The following SLC44A1 variants were observed in gnomAD, a reference collection of about 807,000 sequenced individuals.
SLC44A1 encodes the protein solute carrier family 44 member 1.
SLC44A1 carries 26 observed loss-of-function variants against 79.3 expected under a neutral mutation model. The observed-to-expected ratio is 0.33, with a 90% confidence interval of 0.24 to 0.46. SLC44A1 has a LOEUF of 0.46. Among genes scored for constraint, SLC44A1 ranks in the 20% least tolerant of loss-of-function variants. The probability of loss-of-function intolerance (pLI) is 1.00; values close to 1 mark genes in which losing one functional copy is unlikely to be tolerated. For missense variants in SLC44A1, 688 were observed against 798.1 expected (o/e 0.86, Z 1.66); for synonymous variants, 263 against 286.2 (o/e 0.92, Z 0.82).
chr9:105,420,283 C>T (rs1829228772), intron 15 of SLC44A1, among the ~76,000 whole-genome samples: 1 of 152,068 alleles, frequency 6.6e-6, no homozygotes, highest in Admixed American at 6.6e-5. Flanking sequence ...TCTAGAAAGA[C>T]CAAGGCAGTG....
Position 105,385,407 on chromosome 9 carries a change from G to T in SLC44A1, c.1870-15G>T. 6.5e-7 allele frequency: 1 copy of T among 1,546,240 alleles called. No homozygotes were observed. Among genetic ancestry groups the T allele is most frequent in the Non-Finnish European group, 8.8e-7 (1 of 1,133,916 alleles). On this transcript the variant is annotated splice_polypyrimidine_tract_variant and intron_variant, in intron 14 of 15. Coordinates refer to ENST00000374720, the MANE Select transcript of SLC44A1 (RefSeq NM_080546.5). ...AGGACCCAAGAATTTATTCAATATG[G>T]TCCATATTTTGCAGGAGTTTGTGGA... is the stretch of plus-strand genomic sequence containing the variant.
chr9:105,423,568 A>G (rs1280312010), intron 15 of SLC44A1, among the ~76,000 whole-genome samples: 2 of 152,232 alleles, frequency 1.3e-5, no homozygotes, highest in Admixed American at 6.5e-5. Flanking sequence ...TGCAAATCAG[A>G]CTATTGTTCC....
At chr9:105,268,591 C>T (rs1484054595) in intron 1 of SLC44A1, among the ~76,000 whole-genome samples, 1 of 152,116 alleles carries the variant, frequency 6.6e-6, no homozygotes, top group African/African-American at 2.4e-5. Flanking sequence ...GCAACCTCCA[C>T]CTCCTGGGTT....
chr9:105,434,216 C>T (rs145208340), intron 15 of SLC44A1, among the ~76,000 whole-genome samples: 2,356 of 151,878 alleles, frequency 0.016, 72 homozygotes, highest in African/African-American at 0.054. Context: ...CATGCATGCC[C>T]GTAATCCCAG....
In SLC44A1 at chr9:105,393,270, A is replaced by G. The variant is rs915596077; in HGVS notation, c.*4214A>G. 3.0e-6 allele frequency: 3 copies of G among 985,440 alleles called. No homozygotes were observed. Among genetic ancestry groups the G allele is most frequent in the Non-Finnish European group, 3.6e-6 (3 of 829,890 alleles). The allele number at this position is 985,440 out of a possible 1,614,324, so 61.0% of individuals were successfully genotyped here. A position where few individuals can be genotyped will look rare whatever the true frequency, so the allele number is the denominator to read the frequency against. On this transcript the variant is annotated 3_prime_UTR_variant, in exon 16 of 16. Transcript: ENST00000374720. ...TTAGCCCTTTTGAAAAGTAGGCACT[A>G]TTCATACACAGTAGCTTCTTGGAAT...
Position 105,264,689 on chromosome 9 carries a change from A to G in SLC44A1, c.36+19785A>G, listed in dbSNP as rs1399336263. ...TACCTTAGATATTCTTTCAGTTTCA[A>G]TTTCCTGAATAGATCTCTCCCATAC... On this transcript the variant is annotated intron_variant, in intron 1 of 15. Coordinates refer to ENST00000374720, the MANE Select transcript of SLC44A1 (RefSeq NM_080546.5). Among the ~76,000 whole-genome samples, 3 of 152,220 alleles carry G rather than the reference A, an allele frequency of 2.0e-5. No homozygotes were observed. In the East Asian group the frequency reaches 5.8e-4, roughly 29 times the overall value.
chr9:105,328,014 GA>G (rs1479210717), intron 3 of SLC44A1, among the ~76,000 whole-genome samples: 1 of 152,162 alleles, frequency 6.6e-6, no homozygotes, highest in African/African-American at 2.4e-5. Context: ...TTGAATAAAC[GA>G]GAGTATTTCT....
Position 105,394,953 on chromosome 9 carries a change from A to G in SLC44A1, c.*5897A>G. On this transcript the variant is annotated 3_prime_UTR_variant, in exon 16 of 16. Transcript: ENST00000374720. ...TAGGGAAGCATGTGGATTTCTTCAC[A>G]TCTGCACCTTACTATTAGGTAAGGG... 1 of 985,402 alleles carries G rather than the reference A, an allele frequency of 1.0e-6. No homozygotes were observed. The highest frequency in any genetic ancestry group is 1.7e-5 in the African/African-American group (1 of 57,342). 61.0% of individuals were successfully genotyped at this position (985,402 alleles called of 1,614,324 possible). A position where few individuals can be genotyped will look rare whatever the true frequency, so the allele number is the denominator to read the frequency against.
intron 1 of SLC44A1, among the ~76,000 whole-genome samples, chr9:105,264,675 T>G (rs1005793279): frequency 6.6e-6 from 1 of 152,240 alleles, no homozygotes; most frequent in Non-Finnish European, 1.5e-5. Context: ...ACCTTAGATA[T>G]TCTTTCAGTT....
intron 1 of SLC44A1, among the ~76,000 whole-genome samples, chr9:105,258,522 G>A (rs1829763495): frequency 6.6e-6 from 1 of 152,164 alleles, no homozygotes; most frequent in Admixed American, 6.5e-5. Context: ...GACTAGGATC[G>A]CCCAAGTAGT....
intron 3 of SLC44A1, among the ~76,000 whole-genome samples, chr9:105,328,168 G>A (rs747402598): frequency 1.3e-5 from 2 of 152,190 alleles, no homozygotes; most frequent in Non-Finnish European, 2.9e-5. Context: ...CACTAAGGAT[G>A]TAGGGATGAA....
intron 3 of SLC44A1, among the ~76,000 whole-genome samples, chr9:105,312,678 G>A (rs543334790): frequency 6.6e-6 from 1 of 152,280 alleles, no homozygotes; most frequent in African/African-American, 2.4e-5. Context: ...ATCTTTGCTA[G>A]TATTATTAGT....
At chr9:105,335,888 G>T (rs1453663535) in intron 4 of SLC44A1, among the ~76,000 whole-genome samples, 189 bp downstream of exon 4, 1 of 152,062 alleles carries the variant, frequency 6.6e-6, no homozygotes, top group Non-Finnish European at 1.5e-5. Flanking sequence ...GCCCCTCCCT[G>T]GGCAAAATTC....
chr9:105,292,785 T>C (rs1295466364), intron 1 of SLC44A1, among the ~76,000 whole-genome samples: 1 of 152,238 alleles, frequency 6.6e-6, no homozygotes, highest in African/African-American at 2.4e-5. Context: ...TCTTTCCCAC[T>C]TAAACTAGAG....
intron 2 of SLC44A1, among the ~76,000 whole-genome samples, chr9:105,304,072 T>G (rs1830952844): frequency 2.0e-5 from 3 of 152,170 alleles, no homozygotes; most frequent in African/African-American, 4.8e-5. Flanking sequence ...CAGTTAGAAA[T>G]GCAAAGTTGG....
rs1828796684 is a variant in SLC44A1 at position 105,392,869 on chromosome 9, A to G, written c.*3813A>G. On this transcript the variant is annotated 3_prime_UTR_variant, in exon 16 of 16. Transcript: ENST00000374720. ...AATTGGACTTTCCAATAGCCTTAAC[A>G]TGGCCTCTGAGAAGTTTCCTCCAGA... The G allele has an allele frequency of 1.0e-6, 1 of 985,098 alleles. No individual in the cohort carries two copies. Among genetic ancestry groups the G allele is most frequent in the Non-Finnish European group, 1.2e-6 (1 of 829,792 alleles). The allele number at this position is 985,098 out of a possible 1,614,324, so 61.0% of individuals were successfully genotyped here.
Position 105,364,719 on chromosome 9 carries a change from A to G in SLC44A1, c.1252A>G (p.Arg418Gly). 6.2e-7 allele frequency: 1 copy of G among 1,610,980 alleles called. No individual in the cohort carries two copies. Among genetic ancestry groups the G allele is most frequent in the Non-Finnish European group, 8.5e-7 (1 of 1,178,432 alleles). ...AGCTGTGGTAACATACTATTTTACT[A>G]GGTAAGAATATGTTGTTATTAGAAA... Reference protein sequence around the residue: ...AGAVVTYYFTRDKRNLPFTPI... With the variant: ...AGAVVTYYFTGDKRNLPFTPI... The change falls in exon 10 of 16, where the codon AGG becomes GGG. Residue 418 changes from arginine to glycine, a missense_variant and splice_region_variant. Transcript: ENST00000374720.
At chr9:105,423,073 T>G (rs1829274940) in intron 15 of SLC44A1, among the ~76,000 whole-genome samples, 1 of 152,186 alleles carries the variant, frequency 6.6e-6, no homozygotes, top group Non-Finnish European at 1.5e-5. Flanking sequence ...AATTTGAGTG[T>G]TTGAAATCTA....
chr9:105,292,674 T>C (rs1157202017), intron 1 of SLC44A1, among the ~76,000 whole-genome samples: 1 of 152,204 alleles, frequency 6.6e-6, no homozygotes, highest in Non-Finnish European at 1.5e-5. Context: ...ATTTCAACAG[T>C]TCTCACAAAC....
Sources: allele counts gnomAD v4.1 joint callset (sites outside exome capture counted in the v4.1 genomes callset), GRCh38; gene constraint gnomAD v4.1.1; transcripts MANE v1.5; gene names NCBI Gene and HGNC (gene_info 2026-07-23, HGNC 2026-07-21).